CHD1L: variants seen among roughly 807,000 people sequenced by gnomAD.
CHD1L encodes the protein chromodomain helicase DNA binding protein 1 like.
Under a neutral mutation model 115.9 loss-of-function variants are expected in CHD1L, and 118 were observed. That is an observed-to-expected ratio of 1.02 (90% CI 0.88 to 1.19). The LOEUF (loss-of-function observed/expected upper bound fraction) is 1.19. CHD1L is among the 50% of genes most tolerant of loss of function. The probability of loss-of-function intolerance (pLI) is 0.00; values close to 1 mark genes in which losing one functional copy is unlikely to be tolerated. For synonymous variants in CHD1L, 411 were observed against 387.1 expected (o/e 1.06, Z -0.72); for missense variants, 1,179 against 1,065.3 (o/e 1.11, Z -1.49).
At chr1:147,187,308 C>T in the CHD1L span, 1 of 1,257,938 alleles carries the variant, frequency 7.9e-7, no homozygotes, top group Non-Finnish European at 1.1e-6. Context: ...CAATCAATTA[C>T]TGCCTTCTGA....
intron 1 of CHD1L, among the ~76,000 whole-genome samples, chr1:147,251,976 T>G (rs182519616): frequency 6.6e-6 from 1 of 152,338 alleles, no homozygotes; most frequent in East Asian, 1.9e-4. Flanking sequence ...AGTTCTTATA[T>G]AAAGTATGTT....
upstream of CHD1L, among the ~76,000 whole-genome samples, chr1:147,239,403 C>T (rs1161393169): frequency 1.3e-5 from 2 of 152,172 alleles, no homozygotes; most frequent in African/African-American, 2.4e-5. Context: ...ACCAGTTGCT[C>T]GGGCCACATC....
the CHD1L span, chr1:147,186,226 TG>T: frequency 1.5e-6 from 1 of 657,994 alleles, no homozygotes; most frequent in Non-Finnish European, 1.9e-6. Flanking sequence ...CATTGGCAGA[TG>T]GTAGATGATC....
chr1:147,218,482 C>T, the CHD1L span, among the ~76,000 whole-genome samples: 13 of 151,996 alleles, frequency 8.6e-5, no homozygotes, highest in African/African-American at 2.4e-5. Context: ...GTGATCCGCC[C>T]GCCTCAGCCT....
intron 19 of CHD1L, among the ~76,000 whole-genome samples, chr1:147,290,902 C>G (rs6657932): frequency 6.6e-6 from 1 of 152,176 alleles, no homozygotes; most frequent in Non-Finnish European, 1.5e-5. Flanking sequence ...ATCCTCCCAC[C>G]TCAGCCTCCC....
the CHD1L span, chr1:147,184,757 G>A: frequency 8.5e-7 from 1 of 1,178,560 alleles, no homozygotes; most frequent in Non-Finnish European, 1.1e-6. The surrounding 1 kb of genome is among the most constrained non-coding windows in gnomAD (Gnocchi z 4.4). Context: ...ACCTAGCCGA[G>A]ATAGTGTTTA....
the CHD1L span, among the ~76,000 whole-genome samples, chr1:147,237,430 G>C: frequency 6.6e-6 from 1 of 152,064 alleles, no homozygotes; most frequent in African/African-American, 2.4e-5. Flanking sequence ...CTGTGCCTGA[G>C]AGGGTAGGGC....
At chr1:147,262,191 G>A (rs1371147142) in intron 6 of CHD1L, among the ~76,000 whole-genome samples, 2 of 48,254 alleles carry the variant, frequency 4.1e-5, no homozygotes, top group African/African-American at 1.8e-4. Flanking sequence ...GCGAGACTCT[G>A]TCTCAAAAAA....
At chr1:147,248,673 T>C (rs1383883652) in intron 1 of CHD1L, among the ~76,000 whole-genome samples, 1 of 152,238 alleles carries the variant, frequency 6.6e-6, no homozygotes, top group East Asian at 1.9e-4. Flanking sequence ...AATTTTATTT[T>C]TGTTTATTTA....
chr1:147,263,910 A>T (rs1672904189), intron 6 of CHD1L, among the ~76,000 whole-genome samples: 1 of 152,104 alleles, frequency 6.6e-6, no homozygotes, highest in South Asian at 2.1e-4. Context: ...ACATCCAGAA[A>T]TCTTGACATC....
At chr1:147,236,470 G>A in the CHD1L span, among the ~76,000 whole-genome samples, 1 of 152,214 alleles carries the variant, frequency 6.6e-6, no homozygotes, top group Non-Finnish European at 1.5e-5. Context: ...GGTAAGCAAG[G>A]TGAAGAGAAA....
chr1:147,285,258 T>C (rs1340896310), intron 16 of CHD1L, 66 bp from the exon 17 acceptor site: 1 of 1,527,244 alleles, frequency 6.5e-7, no homozygotes. Context: ...ACAGTGTGTG[T>C]TAGGGATAAT....
chr1:147,240,688 G>A (rs1664765389), upstream of CHD1L, among the ~76,000 whole-genome samples: 1 of 152,210 alleles, frequency 6.6e-6, no homozygotes, highest in Admixed American at 6.5e-5. Flanking sequence ...AGGCCTGGAG[G>A]TGGGACATGT....
chr1:147,213,285 T>G, the CHD1L span: 2 of 1,588,380 alleles, frequency 1.3e-6, no homozygotes, highest in East Asian at 4.5e-5. Context: ...GTCAAGGGTC[T>G]TCCTTCCTGG....
chr1:147,201,970 T>C, the CHD1L span, among the ~76,000 whole-genome samples: 1 of 152,214 alleles, frequency 6.6e-6, no homozygotes, highest in Non-Finnish European at 1.5e-5. Context: ...TTACAGTTTA[T>C]AAGTTGCTTT....
In CHD1L at chr1:147,267,409, T is replaced by C. The variant is rs11239963; in HGVS notation, c.896-17T>C. 438,547 of 1,576,874 alleles carry C rather than the reference T, an allele frequency of 0.28. 63,476 individuals carry two copies. The highest frequency in any genetic ancestry group is 0.3 in the Non-Finnish European group (341,910 of 1,148,634). On this transcript the variant is annotated splice_polypyrimidine_tract_variant and intron_variant, in intron 8 of 22. Coordinates refer to ENST00000369258, the MANE Select transcript of CHD1L (RefSeq NM_004284.6). ...AGGCCATCTCTTTCTGTCTCTCTCT[T>C]TTTTTTTAAATTTCAGATGCATTTG...
At chr1:147,227,524 CAAT>C in the CHD1L span, among the ~76,000 whole-genome samples, 4 of 152,156 alleles carry the variant, frequency 2.6e-5, no homozygotes, top group South Asian at 2.1e-4. Context: ...ATTACTTATA[CAAT>C]GTTTTAAACC....
chr1:147,215,412 C>T, the CHD1L span: 3 of 195,342 alleles, frequency 1.5e-5, no homozygotes, highest in African/African-American at 2.3e-5. Flanking sequence ...AGTTGTGGAA[C>T]CAGAGAGTTT....
rs782662742 is a variant in CHD1L at position 147,285,440 on chromosome 1, CAT to C, written c.1973_1974del (p.Ile658ArgfsTer11). On this transcript the variant is annotated frameshift_variant, in exon 17 of 23. Transcript: ENST00000369258. LOFTEE classifies it high-confidence loss of function. ...AAGCAGCTGCCAAGAGAAGGAGACT[CAT>C]AGAGGAGAAGAAGAGGCAAAAGGAA... ...QEAAAKRRRL[I>X]EEKKRQKEEA... is the part of the protein sequence containing the mutation. 13 of 1,613,636 alleles carry C rather than the reference CAT, an allele frequency of 8.1e-6. No individual in the cohort carries two copies. The highest frequency in any genetic ancestry group is 9.3e-6 in the Non-Finnish European group (11 of 1,179,908).
Sources: gnomAD v4.1 joint callset for allele counts (sites outside exome capture counted in the v4.1 genomes callset) on GRCh38, gnomAD v4.1.1 for gene constraint, Gnocchi (gnomAD v3.1) non-coding constraint, MANE v1.5 for transcripts, NCBI Gene and HGNC (gene_info 2026-07-23, HGNC 2026-07-21) for gene names.